LAMA2: variants seen among roughly 807,000 people sequenced by gnomAD.
LAMA2 encodes laminin subunit alpha-2.
LAMA2 carries 269 observed loss-of-function variants against 364.8 expected under a neutral mutation model. The observed-to-expected ratio is 0.74, with a 90% CI of 0.67 to 0.82. The LOEUF is 0.82. Among genes scored for constraint, LAMA2 ranks in the 40% least tolerant of loss-of-function variants. The probability of loss-of-function intolerance (pLI) is 0.00; values close to 1 mark genes in which losing one functional copy is unlikely to be tolerated. For synonymous variants in LAMA2, 1,379 were observed against 1,370.6 expected (o/e 1.01, Z -0.14); for missense variants, 3,807 against 3,873.2 (o/e 0.98, Z 0.45).
At position 129,464,366 on chromosome 6, in the gene LAMA2, T is replaced by G. The variant is rs566627612; in HGVS notation, c.7069T>G (p.Trp2357Gly). Residue 2357 changes from tryptophan to glycine, a missense_variant, in exon 50 of 65, where the codon TGG becomes GGG. This residue lies in a region of LAMA2 where 3,333 missense variants were observed against 3,345.7 expected (regional missense o/e 1.00). Coordinates refer to ENST00000421865, the MANE Select transcript of LAMA2 (RefSeq NM_000426.4). Reference protein sequence around the residue: ...GYALVSRPIRWYPNISTVMFK... With the variant: ...GYALVSRPIRGYPNISTVMFK... ...TGCATTGGTCAGCCGTCCCATTCGC[T>G]GGTACCCCAACATCTCCACTGTCAT... 1 of 1,611,966 alleles carries G rather than the reference T, an allele frequency of 6.2e-7. No homozygotes were observed. Among genetic ancestry groups the G allele is most frequent in the East Asian group, 2.2e-5 (1 of 44,828 alleles).
At chr6:129,094,226 C>T (rs1408206705) in intron 3 of LAMA2, among the ~76,000 whole-genome samples, 1 of 152,108 alleles carries the variant, frequency 6.6e-6, no homozygotes, top group Non-Finnish European at 1.5e-5. Context: ...TAAAAGTTTA[C>T]TCAAAAACTA....
Position 129,505,253 on chromosome 6 carries a change from C to T in LAMA2, c.8601C>T (p.Ser2867=). Residue 2867 remains serine (S), a synonymous_variant, in exon 61 of 65, where the codon TCC becomes TCT. Transcript: ENST00000421865. The part of the protein sequence containing the change: ...QEGILYVDGA[S]NRTISPKKAD... ...GAATTCTTTATGTAGATGGGGCTTC[C>T]AACAGAACCATCAGTCCCAAAAAAG... 6.2e-7 allele frequency: 1 copy of T among 1,613,470 alleles called. No individual in the cohort carries two copies. The highest frequency in any genetic ancestry group is 1.1e-5 in the South Asian group (1 of 91,066).
At chr6:129,233,608 A>G (rs1368931953) in intron 12 of LAMA2, among the ~76,000 whole-genome samples, 3 of 152,106 alleles carry the variant, frequency 2.0e-5, no homozygotes, top group African/African-American at 7.2e-5. Flanking sequence ...TGAAAAGGCT[A>G]AGGAGGAGGA....
rs1255898711 is a variant in LAMA2, at chr6:128,962,166, A to G, written c.112+78809A>G. On this transcript the variant is annotated intron_variant, in intron 1 of 64. Coordinates refer to ENST00000421865, the MANE Select transcript of LAMA2 (RefSeq NM_000426.4). ...TATATATATATATATATATATATAT[A>G]TATATATATATATATATATACACAC... is the stretch of plus-strand genomic sequence containing the variant. Among the ~76,000 whole-genome samples the G allele has an allele frequency of 4.7e-5, 6 of 126,536 alleles. 1 individual carries two copies. Among genetic ancestry groups the G allele is most frequent in the African/African-American group, 1.5e-4 (5 of 33,050 alleles). The allele number at this position is 126,536 out of a possible 152,430, so 83.0% of individuals were successfully genotyped here.
At chr6:129,151,030 T>A (rs936621192) in intron 7 of LAMA2, among the ~76,000 whole-genome samples, 6 of 152,266 alleles carry the variant, frequency 3.9e-5, no homozygotes, top group Non-Finnish European at 7.4e-5. Context: ...TAAACAACAG[T>A]TTCATATGAT....
intron 4 of LAMA2, among the ~76,000 whole-genome samples, chr6:129,140,838 A>T (rs185258406): frequency 6.6e-6 from 1 of 152,226 alleles, no homozygotes; most frequent in Admixed American, 6.5e-5. Flanking sequence ...GACTAACTAT[A>T]TTCACAAGAT....
At chr6:129,060,911 G>A (rs1788867664) in intron 3 of LAMA2, among the ~76,000 whole-genome samples, 1 of 152,124 alleles carries the variant, frequency 6.6e-6, no homozygotes, top group African/African-American at 2.4e-5. Flanking sequence ...GGGATATGAG[G>A]AACTGGTGGC....
intron 47 of LAMA2, among the ~76,000 whole-genome samples, chr6:129,456,027 C>T (rs1782945003): frequency 6.6e-6 from 1 of 152,056 alleles, no homozygotes; most frequent in Non-Finnish European, 1.5e-5. Flanking sequence ...TCCACTTAAC[C>T]AATAGCAATT....
chr6:129,274,561 G>A (rs902263946), intron 17 of LAMA2, among the ~76,000 whole-genome samples: 10 of 151,888 alleles, frequency 6.6e-5, no homozygotes, highest in African/African-American at 1.9e-4. Flanking sequence ...AAATTTCTTA[G>A]ATAATATTGC....
chr6:129,171,672 G>A (rs1320816340), intron 9 of LAMA2, among the ~76,000 whole-genome samples: 1 of 139,348 alleles, frequency 7.2e-6, no homozygotes, highest in Non-Finnish European at 1.5e-5. Flanking sequence ...CTCTTCTCGA[G>A]GAGTATCTTT....
intron 33 of LAMA2, among the ~76,000 whole-genome samples, chr6:129,367,455 C>A (rs1334617273): frequency 6.6e-6 from 1 of 152,132 alleles, no homozygotes; most frequent in East Asian, 1.9e-4. Context: ...ATTCAAAGTA[C>A]ATTAGCGCAC....
chr6:128,990,359 C>G (rs1270618274), intron 1 of LAMA2, among the ~76,000 whole-genome samples: 4 of 152,114 alleles, frequency 2.6e-5, no homozygotes, highest in African/African-American at 9.7e-5. Context: ...AAAACAATAA[C>G]AAATAGGATG....
intron 12 of LAMA2, among the ~76,000 whole-genome samples, chr6:129,219,395 T>A (rs265350): frequency 3.3e-5 from 5 of 150,706 alleles, no homozygotes; most frequent in Admixed American, 6.6e-5. Flanking sequence ...TAAACTAGTT[T>A]AACCATTGTG....
intron 64 of LAMA2, among the ~76,000 whole-genome samples, chr6:129,514,939 T>C (rs1006720502): frequency 1.6e-5 from 1 of 62,368 alleles, no homozygotes; most frequent in South Asian, 4.2e-4. Context: ...AAAATTAATA[T>C]ACCAGAGGAA....
rs1433292579 is a variant in LAMA2 at position 129,098,340 on chromosome 6, A to C, written c.564A>C (p.Pro188=). 3.7e-6 allele frequency: 6 copies of C among 1,614,044 alleles called. No individual in the cohort carries two copies. The highest frequency in any genetic ancestry group is 1.6e-4 in the Middle Eastern group (1 of 6,062). The part of the protein sequence containing the change: ...TLYNIYPRTG[P]PSYAKDDEVI... ...ACAATATTTATCCCCGCACTGGGCC[A>C]CCGTCATATGCCAAAGATGATGAGG... Residue 188 remains proline, a synonymous_variant, in exon 4 of 65, where the codon CCA becomes CCC. Coordinates refer to ENST00000421865, the MANE Select transcript of LAMA2 (RefSeq NM_000426.4).
chr6:128,944,573 C>A (rs1780376600), intron 1 of LAMA2, among the ~76,000 whole-genome samples: 1 of 151,474 alleles, frequency 6.6e-6, no homozygotes, highest in Non-Finnish European at 1.5e-5. Flanking sequence ...GGTGAGCAGA[C>A]CACGATGTCA....
intron 1 of LAMA2, among the ~76,000 whole-genome samples, chr6:128,949,150 A>G (rs1005737807): frequency 2.0e-5 from 3 of 152,234 alleles, no homozygotes; most frequent in African/African-American, 7.2e-5. Flanking sequence ...AGAAAGGTGA[A>G]GAAGACAAGA....
intron 2 of LAMA2, among the ~76,000 whole-genome samples, chr6:129,056,424 G>T (rs1788495338): frequency 6.6e-6 from 1 of 152,060 alleles, no homozygotes; most frequent in South Asian, 2.1e-4. Flanking sequence ...TCATTAATGA[G>T]ACAGGAAGCC....
chr6:128,920,634 C>T (rs746983547), intron 1 of LAMA2, among the ~76,000 whole-genome samples: 10 of 150,838 alleles, frequency 6.6e-5, no homozygotes, highest in Admixed American at 5.3e-4. Flanking sequence ...CATTGTTTCT[C>T]TAGGGCCTTA....
Sources: allele counts gnomAD v4.1 joint callset (sites outside exome capture counted in the v4.1 genomes callset), GRCh38; gene constraint gnomAD v4.1.1; regional missense constraint gnomAD v4.1.1; transcripts MANE v1.5; gene names NCBI Gene and HGNC (gene_info 2026-07-23, HGNC 2026-07-21).